KCNAB2: variants seen among roughly 807,000 people sequenced by gnomAD.
The protein encoded by KCNAB2 is voltage-gated potassium channel subunit beta-2.
A neutral mutation model predicts 63.6 loss-of-function variants in KCNAB2; 29 were observed. The observed-to-expected ratio is 0.46, with a 90% CI of 0.34 to 0.62. The LOEUF is 0.62. Among genes scored for constraint, KCNAB2 ranks in the 20% least tolerant of loss-of-function variants. The pLI is 0.01. For synonymous variants in KCNAB2, 222 were observed against 224.2 expected, an observed-to-expected ratio of 0.99 and a Z score of 0.09; for missense variants, 359 against 563.9, an observed-to-expected ratio of 0.64 and a Z score of 3.68.
In KCNAB2 at chr1:6,093,159, T is replaced by C. The variant is rs150760657; in HGVS notation, c.647-1241T>C. Among the ~76,000 whole-genome samples the C allele has an allele frequency of 3.6e-3, 545 of 152,316 alleles. 6 individuals are homozygous for C. Among genetic ancestry groups the C allele is most frequent in the African/African-American group, 0.012 (516 of 41,568 alleles). On this transcript the variant is annotated intron_variant, in intron 10 of 15. Transcript: ENST00000378083. ...CCCCACTCCCAGCATTTTCAGGACC[T>C]CAGCTTCCACGCAGCATGGGCAAAG...
intron 1 of KCNAB2, among the ~76,000 whole-genome samples, chr1:6,001,858 C>T (rs1657282097): frequency 6.6e-6 from 1 of 152,142 alleles, no homozygotes; most frequent in Non-Finnish European, 1.5e-5. Flanking sequence ...CCAGACTCCT[C>T]ATTTTATAGA....
chr1:6,029,542 G>A (rs1187986571), upstream of KCNAB2, among the ~76,000 whole-genome samples: 1 of 152,174 alleles, frequency 6.6e-6, no homozygotes. Flanking sequence ...CCCAGACCTG[G>A]GGCCAGAGCC....
Position 6,003,049 on chromosome 1 carries a change from A to G in KCNAB2, c.-53+10261A>G, listed in dbSNP as rs138622832. ...CACAGCTACCAGAGGACAGAGCTAGAACATGACCGCAGCAGACGCCTGATC... is the reference window on the plus strand; with the variant it reads ...CACAGCTACCAGAGGACAGAGCTAGGACATGACCGCAGCAGACGCCTGATC... On this transcript the variant is annotated intron_variant, in intron 1 of 16. Transcript: ENST00000341524. The surrounding 1 kb of genome is among the most constrained non-coding windows in gnomAD (Gnocchi z 4.1). Among the ~76,000 whole-genome samples the G allele has an allele frequency of 6.6e-6, 1 of 152,248 alleles. No individual in the cohort carries two copies. The highest frequency in any genetic ancestry group is 1.9e-4 in the East Asian group (1 of 5,178).
intron 3 of KCNAB2, 65 bp downstream of exon 3, chr1:6,072,863 G>A (rs1193008671): frequency 6.6e-7 from 1 of 1,517,238 alleles, no homozygotes; most frequent in Non-Finnish European, 9.1e-7. Flanking sequence ...GGCATGGACT[G>A]AACTGGACAC....
At chr1:6,039,036 C>G (rs186122862) in intron 1 of KCNAB2, among the ~76,000 whole-genome samples, 1 of 152,184 alleles carries the variant, frequency 6.6e-6, no homozygotes, top group Non-Finnish European at 1.5e-5. Flanking sequence ...CACACCCCCC[C>G]CAGAGAGGGA....
rs116536189 is a variant in KCNAB2, at chr1:6,096,246, G to A, written c.949-390G>A. ...AGGAGGCCCTGCAATCCTCTGGGGGGGATGGCCAGGGGAGAGAGCACTCCC... is the reference window on the plus strand; with the variant it reads ...AGGAGGCCCTGCAATCCTCTGGGGGAGATGGCCAGGGGAGAGAGCACTCCC... On this transcript the variant is annotated intron_variant, in intron 13 of 15. Transcript: ENST00000378083. The surrounding 1 kb of genome is among the most constrained non-coding windows in gnomAD (Gnocchi z 5.9). The A allele has an allele frequency of 0.017, 7,120 of 431,110 alleles. 90 individuals are homozygous for A. Among genetic ancestry groups the A allele is most frequent in the Middle Eastern group, 0.044 (64 of 1,468 alleles). The allele number at this position is 431,110 out of a possible 1,614,324, so 26.7% of individuals were successfully genotyped here.
upstream of KCNAB2, among the ~76,000 whole-genome samples, chr1:6,045,751 G>T (rs1246454303): frequency 6.6e-6 from 1 of 152,164 alleles, no homozygotes; most frequent in African/African-American, 2.4e-5. The surrounding 1 kb of genome is among the most constrained non-coding windows in gnomAD (Gnocchi z 4.8). Context: ...AAAGAGCAAG[G>T]CCTGCCCCTT....
chr1:6,077,594 T>A (rs112058729), intron 4 of KCNAB2, among the ~76,000 whole-genome samples: 2 of 152,328 alleles, frequency 1.3e-5, no homozygotes, highest in African/African-American at 4.8e-5. Context: ...GTTTCTGTGA[T>A]TGGCCGGGCT....
intron 2 of KCNAB2, among the ~76,000 whole-genome samples, chr1:6,055,778 G>C (rs1398719677): frequency 6.6e-6 from 1 of 151,888 alleles, no homozygotes; most frequent in Non-Finnish European, 1.5e-5. Flanking sequence ...CTGCACCAGG[G>C]TTGACGGGGT....
intron 1 of KCNAB2, among the ~76,000 whole-genome samples, chr1:6,015,016 C>CTTG (rs1658400670): frequency 1.2e-5 from 1 of 82,786 alleles, no homozygotes; most frequent in Non-Finnish European, 2.3e-5. Context: ...GGTCACCTTC[C>CTTG]TTTTTTTTTT....
chr1:6,086,455 A>G lies in KCNAB2; in HGVS notation c.426-1012A>G. On this transcript the variant is annotated intron_variant, in intron 6 of 15. Coordinates refer to ENST00000378083, the MANE Select transcript of KCNAB2 (RefSeq NM_001199862.2). The surrounding 1 kb of genome is among the most constrained non-coding windows in gnomAD (Gnocchi z 4.2). ...CTGGAGGTGACGCTGCCTCTGCCAG[A>G]GCTCTGTGGCCGATGCTTCGGGGCA... 1.3e-5 allele frequency: 12 copies of G among 890,034 alleles called. No homozygotes were observed. Among genetic ancestry groups the G allele is most frequent in the Non-Finnish European group, 1.6e-5 (12 of 742,998 alleles). The allele number at this position is 890,034 out of a possible 1,614,324, so 55.1% of individuals were successfully genotyped here.
chr1:6,005,671 G>A (rs1469781741), intron 1 of KCNAB2, among the ~76,000 whole-genome samples: 1 of 151,966 alleles, frequency 6.6e-6, no homozygotes, highest in Non-Finnish European at 1.5e-5. Context: ...GTGGCCCGGG[G>A]AGGCACGGAA....
intron 1 of KCNAB2, among the ~76,000 whole-genome samples, chr1:6,038,210 G>T (rs1287194134): frequency 6.6e-6 from 1 of 151,924 alleles, no homozygotes; most frequent in African/African-American, 2.4e-5. Context: ...AACTCCAGGG[G>T]ATCGTCACCA....
At chr1:6,088,078 G>T (rs1664854002) in intron 7 of KCNAB2, among the ~76,000 whole-genome samples, 1 of 150,384 alleles carries the variant, frequency 6.6e-6, no homozygotes, top group Non-Finnish European at 1.5e-5. Context: ...TTATTTTTTT[G>T]AGACAGGGTC....
intron 1 of KCNAB2, among the ~76,000 whole-genome samples, chr1:6,049,112 C>T (rs528106549): frequency 2.6e-5 from 4 of 152,358 alleles, no homozygotes; most frequent in East Asian, 1.9e-4. Context: ...CAAGAGAGGA[C>T]GACCTGCAAA....
chr1:6,059,198 T>C (rs1662099492), intron 2 of KCNAB2, among the ~76,000 whole-genome samples: 3 of 151,818 alleles, frequency 2.0e-5, no homozygotes, highest in East Asian at 3.9e-4. Context: ...TTTTTTGTTG[T>C]TTTTTGTGTT....
chr1:6,076,275 C>T (rs1190984011), intron 4 of KCNAB2, among the ~76,000 whole-genome samples: 1 of 152,230 alleles, frequency 6.6e-6, no homozygotes, highest in African/African-American at 2.4e-5. Context: ...TGGCACAGGG[C>T]AGAGTCCACA....
At position 6,074,265 on chromosome 1, in the gene KCNAB2, G is replaced by A. The variant is rs778601090; in HGVS notation, c.300+495G>A. 3.3e-5 allele frequency among the ~76,000 whole-genome samples: 5 copies of A among 152,180 alleles called. No individual in the cohort carries two copies. The highest frequency in any genetic ancestry group is 7.2e-5 in the African/African-American group (3 of 41,442). On this transcript the variant is annotated intron_variant, in intron 4 of 15. Transcript: ENST00000378083. The surrounding 1 kb of genome is among the most constrained non-coding windows in gnomAD (Gnocchi z 4.9). ...CCACTGTCCATTTCCCAGCTGCCGC[G>A]AACCGTGCGGATCGCAGTCAGATGT...
At chr1:6,084,351 C>T (rs928586239) in intron 5 of KCNAB2, among the ~76,000 whole-genome samples, 4 of 152,146 alleles carry the variant, frequency 2.6e-5, no homozygotes, top group African/African-American at 4.8e-5. Flanking sequence ...CTGACTCTGC[C>T]GTTCAGTGCA....
Sources: gnomAD v4.1 joint callset for allele counts (sites outside exome capture counted in the v4.1 genomes callset) on GRCh38, gnomAD v4.1.1 for gene constraint, Gnocchi (gnomAD v3.1) non-coding constraint, MANE v1.5 for transcripts, NCBI Gene and HGNC (gene_info 2026-07-23, HGNC 2026-07-21) for gene names.